The following NDST1 variants were observed in gnomAD, a reference collection of about 807,000 sequenced individuals.
NDST1 encodes bifunctional heparan sulfate N-deacetylase/N-sulfotransferase 1.
In NDST1, 35 loss-of-function variants were observed where a neutral mutation model predicts 92.8. The observed-to-expected ratio is 0.38, with a 90% confidence interval of 0.29 to 0.50. The LOEUF (loss-of-function observed/expected upper bound fraction) is 0.50, where lower values mean the gene tolerates loss of function less well. NDST1 is among the 20% of genes least tolerant of loss of function. The pLI is 0.94. For synonymous variants in NDST1, 493 were observed against 500.3 expected, an observed-to-expected ratio of 0.99 and a Z score of 0.19; for missense variants, 822 against 1,182.7, an observed-to-expected ratio of 0.69 and a Z score of 4.47.
At chr5:150,549,559 C>T in intron 12 of NDST1, 119 bp from the exon 13 acceptor site, 1 of 710,998 alleles carries the variant, frequency 1.4e-6, no homozygotes, top group African/African-American at 1.7e-5. Context: ...GAGGAGGAGC[C>T]AGTTCTAGAG....
At chr5:150,550,527 T>C (rs1487105103) in intron 13 of NDST1, 1 of 152,646 alleles carries the variant, frequency 6.6e-6, no homozygotes, top group Non-Finnish European at 1.5e-5. Context: ...CCGCATTGCA[T>C]GGGCTCAGGG....
intron 6 of NDST1, among the ~76,000 whole-genome samples, chr5:150,536,163 G>C (rs1245133909): frequency 6.6e-6 from 1 of 152,154 alleles, no homozygotes; most frequent in Non-Finnish European, 1.5e-5. Flanking sequence ...GTGGGACAGG[G>C]CTCTGTTACA....
chr5:150,506,363 C>G (rs1375042669), upstream of NDST1, among the ~76,000 whole-genome samples: 1 of 152,174 alleles, frequency 6.6e-6, no homozygotes, highest in Non-Finnish European at 1.5e-5. Flanking sequence ...CTGGGTCAAC[C>G]TGCCTTGAGC....
At position 150,553,149 on chromosome 5, in the gene NDST1, C is replaced by A. The variant is rs563256154; in HGVS notation, c.2530-64C>A. The A allele has an allele frequency of 6.3e-7, 1 of 1,576,842 alleles. No homozygotes were observed. Among genetic ancestry groups the A allele is most frequent in the Non-Finnish European group, 8.7e-7 (1 of 1,153,534 alleles). ...AGCCACCGTGCCCGGCCGAGCATGG[C>A]GATTTTTAGAGGAGGTCACTCTTAA... is the stretch of plus-strand genomic sequence containing the variant. On this transcript the variant is annotated intron_variant, in intron 14 of 14. Coordinates refer to ENST00000261797, the MANE Select transcript of NDST1 (RefSeq NM_001543.5). The surrounding 1 kb of genome is among the most constrained non-coding windows in gnomAD (Gnocchi z 4.2).
At chr5:150,552,523 T>C in intron 14 of NDST1, 2 of 168,948 alleles carry the variant, frequency 1.2e-5, no homozygotes, top group Admixed American at 1.1e-4. Context: ...GGTCTCGTTC[T>C]GTTGCCTAGG....
chr5:150,512,818 C>T (rs986597171), intron 1 of NDST1, among the ~76,000 whole-genome samples: 1 of 152,178 alleles, frequency 6.6e-6, no homozygotes, highest in Non-Finnish European at 1.5e-5. Flanking sequence ...AGTATAAACC[C>T]CATTTTAGAT....
In NDST1 at chr5:150,553,461, T is replaced by C; in HGVS notation, c.*129T>C. 2 of 1,330,322 alleles carry C rather than the reference T, an allele frequency of 1.5e-6. No individual in the cohort carries two copies. 82.4% of individuals were successfully genotyped at this position (1,330,322 alleles called of 1,614,324 possible). A position where few individuals can be genotyped will look rare whatever the true frequency, so the allele number is the denominator to read the frequency against. On this transcript the variant is annotated 3_prime_UTR_variant, in exon 15 of 15. Coordinates refer to ENST00000261797, the MANE Select transcript of NDST1 (RefSeq NM_001543.5). This position sits in a 1 kb window ranked among gnomAD's most constrained non-coding sequence, Gnocchi z 4.2. ...ACTTATGAGCAATACTCTGTGGAGG[T>C]CTGGTGGGGCTGGGGGAGCACCCAG...
chr5:150,500,274 C>T (rs1276575553), intron 1 of NDST1, among the ~76,000 whole-genome samples: 1 of 151,058 alleles, frequency 6.6e-6, no homozygotes, highest in Non-Finnish European at 1.5e-5. Flanking sequence ...CCTCCCCATC[C>T]TGAGAACATT....
chr5:150,514,016 G>C (rs1473180520), intron 1 of NDST1, among the ~76,000 whole-genome samples: 2 of 152,254 alleles, frequency 1.3e-5, no homozygotes, highest in African/African-American at 2.4e-5. Flanking sequence ...GGCTAGGGGA[G>C]TGCAGTGGGA....
chr5:150,501,753 G>A (rs1753241657), intron 1 of NDST1, among the ~76,000 whole-genome samples: 1 of 152,216 alleles, frequency 6.6e-6, no homozygotes, highest in Admixed American at 6.5e-5. Context: ...TTTGAGTGGT[G>A]GGATGAAATG....
chr5:150,554,193 G>T lies in NDST1; in HGVS notation c.*861G>T, dbSNP rs1755822270. 1 of 398,338 alleles carries T rather than the reference G, an allele frequency of 2.5e-6. No individual in the cohort carries two copies. Among genetic ancestry groups the T allele is most frequent in the African/African-American group, 2.1e-5 (1 of 48,518 alleles). 24.7% of individuals were successfully genotyped at this position (398,338 alleles called of 1,614,324 possible). On this transcript the variant is annotated 3_prime_UTR_variant, in exon 15 of 15. Transcript: ENST00000261797. ...CGAGCTGGTGAGACTGCCAGCCACG[G>T]CTTTGCTTAGCCACCTGTGGCCGAG...
chr5:150,547,665 G>A (rs984364196), intron 11 of NDST1, among the ~76,000 whole-genome samples: 3 of 152,172 alleles, frequency 2.0e-5, no homozygotes, highest in Non-Finnish European at 2.9e-5. Context: ...GCACACATTT[G>A]TGTCTGGCTG....
rs1755876943 is a variant in NDST1, at chr5:150,556,736, A to G, written c.*3404A>G. ...ACACATTGGCCCAGTATCACAGCCA[A>G]GACGAGAAGTCATTTCCCAGCGATG... is the stretch of plus-strand genomic sequence containing the variant. On this transcript the variant is annotated 3_prime_UTR_variant, in exon 15 of 15. Transcript: ENST00000261797. The G allele has an allele frequency of 6.6e-6, 1 of 152,418 alleles. No individual in the cohort carries two copies. The highest frequency in any genetic ancestry group is 1.5e-5 in the Non-Finnish European group (1 of 68,054). The allele number at this position is 152,418 out of a possible 1,614,324, so 9.4% of individuals were successfully genotyped here.
rs956019395 is a variant in NDST1 at position 150,553,755 on chromosome 5, C to G, written c.*423C>G. On this transcript the variant is annotated 3_prime_UTR_variant, in exon 15 of 15. Coordinates refer to ENST00000261797, the MANE Select transcript of NDST1 (RefSeq NM_001543.5). The surrounding 1 kb of genome is among the most constrained non-coding windows in gnomAD (Gnocchi z 4.2). The stretch of plus-strand genomic sequence containing the variant: ...AGGCTGTAGGGGAGGAGAGCCTGGC[C>G]GGGGGAGACAGACTGGACATTTCCC... The G allele has an allele frequency of 9.6e-6, 4 of 414,576 alleles. No homozygotes were observed. The highest frequency in any genetic ancestry group is 8.0e-5 in the South Asian group (3 of 37,716). The allele number at this position is 414,576 out of a possible 1,614,324, so 25.7% of individuals were successfully genotyped here. A position where few individuals can be genotyped will look rare whatever the true frequency, so the allele number is the denominator to read the frequency against.
chr5:150,503,390 G>A (rs981850939), upstream of NDST1, among the ~76,000 whole-genome samples: 3 of 152,208 alleles, frequency 2.0e-5, no homozygotes, highest in Non-Finnish European at 2.9e-5. Flanking sequence ...TGCTTGTGGT[G>A]AGCCGAGATT....
chr5:150,515,071 G>C (rs1329471717), intron 1 of NDST1, among the ~76,000 whole-genome samples: 1 of 152,224 alleles, frequency 6.6e-6, no homozygotes, highest in Non-Finnish European at 1.5e-5. Flanking sequence ...GCCATGTGCA[G>C]GAATGCCCCC....
At chr5:150,541,504 T>C (rs1755246176) in intron 8 of NDST1, 66 bp from the exon 9 acceptor site, 1 of 1,362,446 alleles carries the variant, frequency 7.3e-7, no homozygotes, top group Admixed American at 1.7e-5. Context: ...CACATATCCA[T>C]GTGCAGTGGG....
At chr5:150,511,411 A>G (rs1581346502) in intron 1 of NDST1, among the ~76,000 whole-genome samples, 1 of 152,182 alleles carries the variant, frequency 6.6e-6, no homozygotes, top group East Asian at 1.9e-4. Flanking sequence ...GGGGAGCTCA[A>G]TCAGGACTTT....
At chr5:150,505,612 C>A (rs553280861), upstream of NDST1, among the ~76,000 whole-genome samples, 271 of 152,226 alleles carry the variant, frequency 1.8e-3, no homozygotes, top group Non-Finnish European at 2.1e-3. Context: ...TCACTGACAA[C>A]GTGGTGACTG....
Sources: allele counts gnomAD v4.1 joint callset (sites outside exome capture counted in the v4.1 genomes callset), GRCh38; gene constraint gnomAD v4.1.1; non-coding constraint Gnocchi (gnomAD v3.1); transcripts MANE v1.5; gene names NCBI Gene and HGNC (gene_info 2026-07-23, HGNC 2026-07-21).